The following PRKAG2 variants were observed in gnomAD, a reference collection of about 807,000 sequenced individuals.
PRKAG2 encodes 5'-AMP-activated protein kinase subunit gamma-2.
PRKAG2 carries 26 observed loss-of-function variants against 69.6 expected under a neutral mutation model. The ratio of observed to expected loss-of-function variants is 0.37; its 90% CI spans 0.27 to 0.52. PRKAG2 has a LOEUF of 0.52. PRKAG2 is among the 20% of genes least tolerant of loss of function. The pLI is 0.90. For missense variants in PRKAG2, 557 were observed against 740.0 expected, an observed-to-expected ratio of 0.75 and a Z score of 2.87; for synonymous variants, 293 against 285.0, an observed-to-expected ratio of 1.03 and a Z score of -0.28.
intron 5 of PRKAG2, among the ~76,000 whole-genome samples, chr7:151,626,602 T>G (rs927219169): frequency 1.3e-5 from 2 of 152,096 alleles, no homozygotes; most frequent in African/African-American, 4.8e-5. Flanking sequence ...ACCTGCCACT[T>G]TGATATCTCC....
rs974159712 is a variant in PRKAG2, at chr7:151,614,895, T to C, written c.754+17174A>G. 1.3e-5 allele frequency among the ~76,000 whole-genome samples: 2 copies of C among 152,186 alleles called. No homozygotes were observed. Among genetic ancestry groups the C allele is most frequent in the Non-Finnish European group, 2.9e-5 (2 of 68,038 alleles). On this transcript the variant is annotated intron_variant, in intron 5 of 15. Coordinates refer to ENST00000287878, the MANE Select transcript of PRKAG2 (RefSeq NM_016203.4). The surrounding 1 kb of genome is among the most constrained non-coding windows in gnomAD (Gnocchi z 4.4). The stretch of plus-strand genomic sequence containing the variant: ...GAACAAAAGAGCCTCAAAGGGGCCA[T>C]GTGGATCCAGAGGGAACCTCGAGAG...
intron 3 of PRKAG2, among the ~76,000 whole-genome samples, chr7:151,704,756 C>T (rs368152004): frequency 6.6e-6 from 1 of 152,176 alleles, no homozygotes; most frequent in Admixed American, 6.5e-5. Context: ...CGGCACCTAC[C>T]GGGTGGGGAT....
At chr7:151,656,666 A>G (rs781756129) in intron 4 of PRKAG2, among the ~76,000 whole-genome samples, 26 of 152,238 alleles carry the variant, frequency 1.7e-4, no homozygotes, top group Admixed American at 1.3e-4. Flanking sequence ...ATTTATTAGG[A>G]TGCAGGTAGA....
intron 1 of PRKAG2, among the ~76,000 whole-genome samples, chr7:151,832,805 T>G (rs367972675): frequency 1.3e-5 from 2 of 151,978 alleles, no homozygotes; most frequent in African/African-American, 4.8e-5. Context: ...AGGTAATAAA[T>G]GGGCAGCCTC....
At position 151,828,026 on chromosome 7, in the gene PRKAG2, T is replaced by C. The variant is rs149549988; in HGVS notation, c.115-41485A>G. Among the ~76,000 whole-genome samples the C allele has an allele frequency of 7.9e-3, 1,207 of 152,320 alleles. 16 individuals are homozygous for C. Among genetic ancestry groups the C allele is most frequent in the African/African-American group, 0.027 (1,114 of 41,576 alleles). ...GTGATTATTCAGGTCAACATGAGCC[T>C]GGGGTGTGATCTCACCTTGGAACAA... On this transcript the variant is annotated intron_variant, in intron 1 of 15. Transcript: ENST00000287878. The surrounding 1 kb of genome is among the most constrained non-coding windows in gnomAD (Gnocchi z 4.6).
chr7:151,631,713 G>T, intron 5 of PRKAG2: 1 of 461,498 alleles, frequency 2.2e-6, no homozygotes, highest in Non-Finnish European at 4.3e-6. Flanking sequence ...ATGATTCGGG[G>T]TTGCCTCCGA....
At chr7:151,690,027 C>T (rs1835416527) in intron 3 of PRKAG2, among the ~76,000 whole-genome samples, 1 of 152,168 alleles carries the variant, frequency 6.6e-6, no homozygotes, top group African/African-American at 2.4e-5. Context: ...AAATAAGCGT[C>T]TCGTGGTGGA....
chr7:151,741,081 C>T (rs2151711326), intron 3 of PRKAG2, among the ~76,000 whole-genome samples: 1 of 152,248 alleles, frequency 6.6e-6, no homozygotes, highest in African/African-American at 2.4e-5. Context: ...GGTGCGGTGG[C>T]TCACACCTGT....
At chr7:151,830,894 CT>C (rs1196987795) in intron 1 of PRKAG2, among the ~76,000 whole-genome samples, 1 of 151,930 alleles carries the variant, frequency 6.6e-6, no homozygotes, top group Non-Finnish European at 1.5e-5. Context: ...TCCAATGTCA[CT>C]AAAAATCCTT....
Position 151,556,431 on chromosome 7 carries a change from A to G in PRKAG2, c.*770T>C, listed in dbSNP as rs1357555781. Reference sequence around the variant, plus strand: ...GGCAACGTCTCCTCCACACTTTGAGAGACCTCAGCTTTTAAAACCCAGCAG... The same window carrying G: ...GGCAACGTCTCCTCCACACTTTGAGGGACCTCAGCTTTTAAAACCCAGCAG... On this transcript the variant is annotated 3_prime_UTR_variant, in exon 16 of 16. Coordinates refer to ENST00000287878, the MANE Select transcript of PRKAG2 (RefSeq NM_016203.4). 1 of 152,694 alleles carries G rather than the reference A, an allele frequency of 6.5e-6. No individual in the cohort carries two copies. Among genetic ancestry groups the G allele is most frequent in the African/African-American group, 2.4e-5 (1 of 41,470 alleles). The allele number at this position is 152,694 out of a possible 1,614,324, so 9.5% of individuals were successfully genotyped here. A position where few individuals can be genotyped will look rare whatever the true frequency, so the allele number is the denominator to read the frequency against.
intron 1 of PRKAG2, among the ~76,000 whole-genome samples, chr7:151,870,598 C>T (rs1476355223): frequency 6.6e-6 from 1 of 152,188 alleles, no homozygotes; most frequent in Non-Finnish European, 1.5e-5. Context: ...GTGTGAGGGG[C>T]ACAAAGCACT....
intron 5 of PRKAG2, chr7:151,631,580 T>A (rs1563302726): frequency 1.2e-5 from 5 of 427,424 alleles, no homozygotes; most frequent in Non-Finnish European, 1.9e-5. Context: ...ACCGATTCAA[T>A]AACCTCTTCA....
Position 151,781,204 on chromosome 7 carries a change from G to C in PRKAG2, c.414C>G (p.Ser138=). 6.2e-7 allele frequency: 1 copy of C among 1,614,118 alleles called. No individual in the cohort carries two copies. The highest frequency in any genetic ancestry group is 8.5e-7 in the Non-Finnish European group (1 of 1,180,050). ...RSSSKESSPN[S]NPATSPGGIR... ...TGCCCCCGGGCGAGGTAGCAGGGTT[G>C]GAGTTGGGGGAAGACTCTTTGGAGG... Residue 138 remains serine (S), a synonymous_variant, in exon 3 of 16, where the codon TCC becomes TCG. Coordinates refer to ENST00000287878, the MANE Select transcript of PRKAG2 (RefSeq NM_016203.4). The surrounding 1 kb of genome is among the most constrained non-coding windows in gnomAD (Gnocchi z 6.1).
intron 2 of PRKAG2, among the ~76,000 whole-genome samples, chr7:151,785,039 G>A (rs2076933563): frequency 6.6e-6 from 1 of 152,280 alleles, no homozygotes. Context: ...TTGCTCTTGG[G>A]CAAGCTATAG....
chr7:151,564,835 GC>G (rs1404551110), intron 13 of PRKAG2, among the ~76,000 whole-genome samples: 1 of 152,150 alleles, frequency 6.6e-6, no homozygotes, highest in Non-Finnish European at 1.5e-5. Context: ...ATAGTGTGAA[GC>G]AAAGGGTTTG....
intron 3 of PRKAG2, among the ~76,000 whole-genome samples, chr7:151,693,212 G>A (rs773195246): frequency 1.3e-5 from 2 of 152,214 alleles, no homozygotes; most frequent in South Asian, 2.1e-4. Flanking sequence ...GCACAGGTCC[G>A]AACATGCAGA....
intron 3 of PRKAG2, among the ~76,000 whole-genome samples, chr7:151,773,026 AGAGAGAGAGAGAG>A (rs1563639316): frequency 1.8e-5 from 1 of 54,612 alleles, no homozygotes; most frequent in African/African-American, 9.3e-5. Context: ...AGAAAGAAAG[AGAGAGAGAGAGAG>A]AGAGAGAGAG....
rs545309689 is a variant in PRKAG2 at position 151,741,766 on chromosome 7, C to A, written c.466+39386G>T. On this transcript the variant is annotated intron_variant, in intron 3 of 15. Transcript: ENST00000287878. Reference sequence around the variant, plus strand: ...GAAAATAACCAGCAACTTAGGCAGGCCTGACGTTTCCGTGCTTGAGTTTAA... The same window carrying A: ...GAAAATAACCAGCAACTTAGGCAGGACTGACGTTTCCGTGCTTGAGTTTAA... 1.3e-3 allele frequency among the ~76,000 whole-genome samples: 205 copies of A among 152,064 alleles called. 1 individual carries two copies. The highest frequency in any genetic ancestry group is 4.8e-3 in the African/African-American group (199 of 41,476).
At chr7:151,832,651 C>T (rs1275080681) in intron 1 of PRKAG2, among the ~76,000 whole-genome samples, 2 of 151,868 alleles carry the variant, frequency 1.3e-5, no homozygotes, top group Non-Finnish European at 2.9e-5. Flanking sequence ...GTGAGCCCCC[C>T]GTGCCTGCAA....
Sources: gnomAD v4.1 joint callset for allele counts (sites outside exome capture counted in the v4.1 genomes callset) on GRCh38, gnomAD v4.1.1 for gene constraint, Gnocchi (gnomAD v3.1) non-coding constraint, MANE v1.5 for transcripts, NCBI Gene and HGNC (gene_info 2026-07-23, HGNC 2026-07-21) for gene names.